CRMP1: variants seen among roughly 807,000 people sequenced by gnomAD.
CRMP1 encodes the protein dihydropyrimidinase-related protein 1.
CRMP1 carries 19 observed loss-of-function variants against 68.3 expected under a neutral mutation model. The observed-to-expected ratio is 0.28, with a 90% CI of 0.19 to 0.41. The LOEUF (loss-of-function observed/expected upper bound fraction) is 0.41. Ranked by LOEUF, CRMP1 falls within the 10% of genes least tolerant of loss-of-function variation. CRMP1 has a pLI of 1.00. For missense variants in CRMP1, 791 were observed against 967.4 expected (o/e 0.82, Z 2.42); for synonymous variants, 439 against 399.6 (o/e 1.10, Z -1.18).
In CRMP1 at chr4:5,859,462, T is replaced by C. The variant is rs530374803; in HGVS notation, c.655+1564A>G. Among the ~76,000 whole-genome samples, 1 of 152,314 alleles carries C rather than the reference T, an allele frequency of 6.6e-6. No individual in the cohort carries two copies. Among genetic ancestry groups the C allele is most frequent in the South Asian group, 2.1e-4 (1 of 4,822 alleles). ...AGTCCTCCTGAACCCAGAACTTCCA[T>C]GCCCATCTCTCAGAACTCTCATGTC... On this transcript the variant is annotated intron_variant, in intron 3 of 13. Transcript: ENST00000324989. The surrounding 1 kb of genome is among the most constrained non-coding windows in gnomAD (Gnocchi z 5.2).
At chr4:5,822,861 C>G (rs190827966) in intron 13 of CRMP1, among the ~76,000 whole-genome samples, 1 of 152,362 alleles carries the variant, frequency 6.6e-6, no homozygotes, top group Admixed American at 6.5e-5. Context: ...ACTGCAACCA[C>G]AGCATTATCA....
intron 6 of CRMP1, among the ~76,000 whole-genome samples, chr4:5,844,114 T>C (rs137993459): frequency 6.6e-6 from 1 of 152,234 alleles, no homozygotes; most frequent in African/African-American, 2.4e-5. Flanking sequence ...CAATCTCAAC[T>C]GCGCGTCTAT....
intron 6 of CRMP1, among the ~76,000 whole-genome samples, chr4:5,846,933 G>C (rs779598756): frequency 6.6e-6 from 1 of 151,968 alleles, no homozygotes; most frequent in African/African-American, 2.4e-5. Flanking sequence ...AAATTCTACT[G>C]AGCAAGAAGC....
rs1419526785 is a variant in CRMP1 at position 5,889,613 on chromosome 4, T to C, written c.381+2976A>G. On this transcript the variant is annotated intron_variant, in intron 1 of 13. Coordinates refer to ENST00000324989, the MANE Select transcript of CRMP1 (RefSeq NM_001014809.3). This position sits in a 1 kb window ranked among gnomAD's most constrained non-coding sequence, Gnocchi z 4.5. ...AGGTGCCCCAAGTTCCCAGGCAGAA[T>C]AAAACACCAACCTTGTCCACCACTT... is the stretch of plus-strand genomic sequence containing the variant. 14 of 1,536,160 alleles carry C rather than the reference T, an allele frequency of 9.1e-6. No homozygotes were observed. The highest frequency in any genetic ancestry group is 2.0e-5 in the Admixed American group (1 of 51,010).
At chr4:5,867,268 C>A (rs1714062190) in intron 1 of CRMP1, among the ~76,000 whole-genome samples, 1 of 152,206 alleles carries the variant, frequency 6.6e-6, no homozygotes, top group Non-Finnish European at 1.5e-5. Context: ...AAGGTTTGAA[C>A]CAACAGCCAT....
chr4:5,842,406 G>C lies in CRMP1; in HGVS notation c.1032+687C>G, dbSNP rs1337150380. Among the ~76,000 whole-genome samples the C allele has an allele frequency of 6.9e-6, 1 of 145,936 alleles. No homozygotes were observed. The highest frequency in any genetic ancestry group is 1.5e-5 in the Non-Finnish European group (1 of 66,766). On this transcript the variant is annotated intron_variant, in intron 7 of 13. Coordinates refer to ENST00000324989, the MANE Select transcript of CRMP1 (RefSeq NM_001014809.3). The surrounding 1 kb of genome is among the most constrained non-coding windows in gnomAD (Gnocchi z 4.5). ...ATCATACCACTGCACTGTAGCCTGG[G>C]CAACAGAGAGAGACTCCATCTCAAA...
rs570842570 is a variant in CRMP1 at position 5,877,493 on chromosome 4, C to T, written c.382-10737G>A. ...AGTGCTGCCATCCCATCCAGCTGCA[C>T]ACTCATATTTATTCACAGAAACCAT... On this transcript the variant is annotated intron_variant, in intron 1 of 13. Coordinates refer to ENST00000324989, the MANE Select transcript of CRMP1 (RefSeq NM_001014809.3). The surrounding 1 kb of genome is among the most constrained non-coding windows in gnomAD (Gnocchi z 4.3). 4.6e-4 allele frequency among the ~76,000 whole-genome samples: 70 copies of T among 152,328 alleles called. No homozygotes were observed. Among genetic ancestry groups the T allele is most frequent in the African/African-American group, 1.7e-3 (70 of 41,584 alleles).
At chr4:5,847,857 A>G (rs1421835342) in intron 6 of CRMP1, among the ~76,000 whole-genome samples, 1 of 152,198 alleles carries the variant, frequency 6.6e-6, no homozygotes, top group African/African-American at 2.4e-5. Flanking sequence ...GTGAGTATCA[A>G]TATGTGAAGT....
chr4:5,882,564 GA>G (rs1398720894), intron 1 of CRMP1, among the ~76,000 whole-genome samples: 1 of 152,122 alleles, frequency 6.6e-6, no homozygotes, highest in East Asian at 1.9e-4. Flanking sequence ...ATTCTATGGG[GA>G]AAAAATCTTA....
At chr4:5,869,697 A>G (rs927960256) in intron 1 of CRMP1, among the ~76,000 whole-genome samples, 45 of 149,298 alleles carry the variant, frequency 3.0e-4, no homozygotes, top group African/African-American at 8.2e-4. Flanking sequence ...AAAAAAAAAA[A>G]AAAAGAAAAA....
chr4:5,876,219 C>T (rs1283842279), intron 1 of CRMP1, among the ~76,000 whole-genome samples: 1 of 151,982 alleles, frequency 6.6e-6, no homozygotes, highest in Non-Finnish European at 1.5e-5. Flanking sequence ...ATAATCATGA[C>T]TTATGTTTCC....
chr4:5,862,862 T>G (rs545275888), intron 2 of CRMP1, among the ~76,000 whole-genome samples: 32 of 152,238 alleles, frequency 2.1e-4, no homozygotes, highest in South Asian at 1.0e-3. Context: ...TGGAGTACAG[T>G]GGTACAGGTC....
chr4:5,828,746 A>G, intron 11 of CRMP1, 78 bp from the exon 12 acceptor site: 1 of 1,510,962 alleles, frequency 6.6e-7, no homozygotes, highest in Non-Finnish European at 9.0e-7. Context: ...GATTTTGCCT[A>G]ACATTATATC....
chr4:5,825,608 C>G lies in CRMP1; in HGVS notation c.1855G>C (p.Glu619Gln). The change falls in exon 13 of 14, where the codon GAG becomes CAG. Residue 619 changes from glutamate to glutamine, a missense_variant. By Grantham distance (29) the Glu-to-Gln change is conservative. Coordinates refer to ENST00000324989, the MANE Select transcript of CRMP1 (RefSeq NM_001014809.3). This position sits in a 1 kb window ranked among gnomAD's most constrained non-coding sequence, Gnocchi z 4.4. ...GCATATTTGGGTGTAGCTGGTACCT[C>G]GTACACAGGACCGTCATACATGCCC... ...SRGMYDGPVY[E>Q]VPATPKYATP... 2 of 1,605,642 alleles carry G rather than the reference C, an allele frequency of 1.2e-6. No individual in the cohort carries two copies. Among genetic ancestry groups the G allele is most frequent in the Non-Finnish European group, 1.7e-6 (2 of 1,177,412 alleles).
chr4:5,857,911 T>G (rs747450550), intron 3 of CRMP1, among the ~76,000 whole-genome samples: 4 of 152,150 alleles, frequency 2.6e-5, no homozygotes, highest in Non-Finnish European at 5.9e-5. Context: ...AAACCTCCCT[T>G]GAGGCTTACT....
rs200762390 is a variant in CRMP1 at position 5,848,147 on chromosome 4, A to AT, written c.963+1244dup. Among the ~76,000 whole-genome samples the AT allele has an allele frequency of 8.1e-3, 1,126 of 139,224 alleles. 6 individuals are homozygous for AT. The highest frequency in any genetic ancestry group is 0.025 in the East Asian group (122 of 4,814). The allele number at this position is 139,224 out of a possible 152,430, so 91.3% of individuals were successfully genotyped here. A position where few individuals can be genotyped will look rare whatever the true frequency, so the allele number is the denominator to read the frequency against. On this transcript the variant is annotated intron_variant, in intron 6 of 13. Coordinates refer to ENST00000324989, the MANE Select transcript of CRMP1 (RefSeq NM_001014809.3). ...GAACCTAGCTAGTCACCCTGACTTC[A>AT]TTTTTTTTTTTTTTTGAGACAGAGT...
In CRMP1 at chr4:5,856,187, T is replaced by C; in HGVS notation, c.776A>G (p.Tyr259Cys). 1 of 1,613,994 alleles carries C rather than the reference T, an allele frequency of 6.2e-7. No homozygotes were observed. Among genetic ancestry groups the C allele is most frequent in the Non-Finnish European group, 8.5e-7 (1 of 1,179,894 alleles). The change falls in exon 4 of 14, where the codon TAC (tyrosine) becomes TGC (cysteine). Residue 259 changes from tyrosine (Y) to cysteine (C), a missense_variant. Physicochemically the swap from Tyr to Cys is radical, Grantham distance 194. Around this residue, in one of 3 missense-constraint regions of CRMP1, gnomAD observed 594 missense variants for 763.6 expected, o/e 0.78. Coordinates refer to ENST00000324989, the MANE Select transcript of CRMP1 (RefSeq NM_001014809.3). ...YSLHVDITSW[Y>C]DGVREELEVL... is the part of the protein sequence containing the mutation. Reference sequence around the variant, plus strand: ...CTCCAGCTCCTCCCGAACGCCATCGTACCAGCTTGTGATGTCCACGTGGAG... The same window carrying C: ...CTCCAGCTCCTCCCGAACGCCATCGCACCAGCTTGTGATGTCCACGTGGAG...
rs754338849 is a variant in CRMP1, at chr4:5,890,492, C to T, written c.381+2097G>A. On this transcript the variant is annotated intron_variant, in intron 1 of 13. Coordinates refer to ENST00000324989, the MANE Select transcript of CRMP1 (RefSeq NM_001014809.3). The surrounding 1 kb of genome is among the most constrained non-coding windows in gnomAD (Gnocchi z 5.5). ...GGTGAGGCCCGCCCCGGAACCCGAG[C>T]CCACTGTAACCCAAGCCTCAAGGCC... Among the ~76,000 whole-genome samples, 11 of 152,222 alleles carry T rather than the reference C, an allele frequency of 7.2e-5. No individual in the cohort carries two copies. Among genetic ancestry groups the T allele is most frequent in the Non-Finnish European group, 1.2e-4 (8 of 68,032 alleles).
rs577069985 is a variant in CRMP1, at chr4:5,853,360, C to T, written c.821-1891G>A. 1.9e-4 allele frequency among the ~76,000 whole-genome samples: 29 copies of T among 152,182 alleles called. No individual in the cohort carries two copies. Among genetic ancestry groups the T allele is most frequent in the African/African-American group, 5.3e-4 (22 of 41,504 alleles). ...CCTGGGAGGCAGTGAGCTGAGATCT[C>T]GCCATTGCACTCCAGCCTGGGTGAC... On this transcript the variant is annotated intron_variant, in intron 4 of 13. Transcript: ENST00000324989. This position sits in a 1 kb window ranked among gnomAD's most constrained non-coding sequence, Gnocchi z 4.7.
Sources: allele counts gnomAD v4.1 joint callset (sites outside exome capture counted in the v4.1 genomes callset), GRCh38; gene constraint gnomAD v4.1.1; regional missense constraint gnomAD v4.1.1; non-coding constraint Gnocchi (gnomAD v3.1); transcripts MANE v1.5; gene names NCBI Gene and HGNC (gene_info 2026-07-23, HGNC 2026-07-21).